Variants in KCNN2 observed in about 807,000 individuals in gnomAD.
KCNN2 encodes potassium calcium-activated channel subfamily N member 2.
KCNN2 carries 24 observed loss-of-function variants against 55.5 expected under a neutral mutation model. The observed-to-expected ratio is 0.43, with a 90% CI of 0.31 to 0.61. KCNN2 has a LOEUF of 0.61. KCNN2 is among the 20% of genes least tolerant of loss of function. The pLI, the probability that KCNN2 is intolerant of heterozygous loss-of-function variation, is 0.08. For synonymous variants in KCNN2, 431 were observed against 336.1 expected (o/e 1.28, Z -3.09); for missense variants, 754 against 853.6 (o/e 0.88, Z 1.45).
At chr5:114,326,346 C>T (rs1410916747) in intron 2 of KCNN2, among the ~76,000 whole-genome samples, 1 of 152,040 alleles carries the variant, frequency 6.6e-6, no homozygotes, top group Admixed American at 6.6e-5. Flanking sequence ...GTGGGAGGTG[C>T]GATCTGAGGG....
intron 1 of KCNN2, among the ~76,000 whole-genome samples, chr5:114,142,954 G>C (rs1752316807): frequency 6.6e-6 from 1 of 152,160 alleles, no homozygotes; most frequent in African/African-American, 2.4e-5. Flanking sequence ...CACGCTACCT[G>C]TATTGCGGGA....
Position 114,365,974 on chromosome 5 carries a change from C to T in KCNN2, c.1218+1973C>T, listed in dbSNP as rs1481778254. Among the ~76,000 whole-genome samples the T allele has an allele frequency of 2.0e-5, 3 of 152,152 alleles. No homozygotes were observed. In the East Asian group the frequency reaches 5.8e-4, roughly 29 times the overall value. Reference sequence around the variant, plus strand: ...CATCAAAAACAAAGTGTCTTGAAAACATTGACTCTTTAAGAATTATTGGGA... The same window carrying T: ...CATCAAAAACAAAGTGTCTTGAAAATATTGACTCTTTAAGAATTATTGGGA... On this transcript the variant is annotated intron_variant, in intron 2 of 7. Coordinates refer to ENST00000673685, the MANE Select transcript of KCNN2 (RefSeq NM_021614.4).
At chr5:114,131,886 TG>T (rs1752078999) in intron 1 of KCNN2, among the ~76,000 whole-genome samples, 1 of 152,260 alleles carries the variant, frequency 6.6e-6, no homozygotes. Flanking sequence ...TCAGTGAAGC[TG>T]AACTTTTTTT....
chr5:114,465,956 C>G (rs2150118119), intron 4 of KCNN2, among the ~76,000 whole-genome samples: 1 of 152,264 alleles, frequency 6.6e-6, no homozygotes, highest in Non-Finnish European at 1.5e-5. Context: ...CTGGGATTCA[C>G]TTCTGGCAGT....
At chr5:114,396,455 A>G (rs536679555) in intron 2 of KCNN2, among the ~76,000 whole-genome samples, 4 of 152,160 alleles carry the variant, frequency 2.6e-5, no homozygotes, top group South Asian at 2.1e-4. Context: ...TCAAGGGTAC[A>G]TGTGCAGGTT....
At chr5:114,113,340 C>G (rs976716335) in intron 1 of KCNN2, among the ~76,000 whole-genome samples, 20 of 151,804 alleles carry the variant, frequency 1.3e-4, no homozygotes, top group Non-Finnish European at 2.8e-4. Context: ...ATCTCGGTCT[C>G]ATTATCCAAG....
chr5:114,153,749 G>A (rs940832902), intron 1 of KCNN2, among the ~76,000 whole-genome samples: 9 of 152,182 alleles, frequency 5.9e-5, no homozygotes, highest in Admixed American at 5.2e-4. Context: ...TGGAAAAAAG[G>A]CAGCATCGCC....
At chr5:114,098,205 GA>G (rs1473734065) in intron 1 of KCNN2, among the ~76,000 whole-genome samples, 1 of 151,960 alleles carries the variant, frequency 6.6e-6, no homozygotes, top group Non-Finnish European at 1.5e-5. Context: ...GATCTACCTG[GA>G]TAATCTCTCC....
At chr5:114,208,864 C>T (rs925365214) in intron 1 of KCNN2, among the ~76,000 whole-genome samples, 4 of 152,176 alleles carry the variant, frequency 2.6e-5, no homozygotes, top group Admixed American at 2.6e-4. Flanking sequence ...CATGACCTCT[C>T]AACAACATCT....
At position 114,404,843 on chromosome 5, in the gene KCNN2, C is replaced by T; in HGVS notation, c.1624C>T (p.Arg542Ter). 1 of 1,604,860 alleles carries T rather than the reference C, an allele frequency of 6.2e-7. No homozygotes were observed. Among genetic ancestry groups the T allele is most frequent in the Non-Finnish European group, 8.5e-7 (1 of 1,173,410 alleles). Residue 542 changes from arginine to a stop codon, truncating the protein, a stop_gained, in exon 3 of 8, where the codon CGA becomes TGA. Coordinates refer to ENST00000673685, the MANE Select transcript of KCNN2 (RefSeq NM_021614.4). LOFTEE classifies it high-confidence loss of function. ...ATGGATAATTGCCGCATGGACTGTC[C>T]GAGCTTGTGAAAGGTAAGTTTGTTT... is the stretch of plus-strand genomic sequence containing the variant. ...SLWIIAAWTV[R>*]ACERYHDQQD...
At chr5:114,356,857 T>A (rs1580743326) in intron 2 of KCNN2, among the ~76,000 whole-genome samples, 1 of 152,144 alleles carries the variant, frequency 6.6e-6, no homozygotes, top group Non-Finnish European at 1.5e-5. Context: ...TAGGGCCTTT[T>A]AATTGTTATG....
At chr5:114,067,776 G>T (rs896998384) in intron 1 of KCNN2, among the ~76,000 whole-genome samples, 2 of 152,092 alleles carry the variant, frequency 1.3e-5, no homozygotes, top group South Asian at 2.1e-4. Context: ...TTTGATTTCT[G>T]TTTCATTTGC....
chr5:114,418,975 A>G (rs1759389460), intron 3 of KCNN2, among the ~76,000 whole-genome samples: 1 of 152,208 alleles, frequency 6.6e-6, no homozygotes, highest in Non-Finnish European at 1.5e-5. Context: ...ACATAACTGA[A>G]TGTGCCTGAG....
intron 2 of KCNN2, among the ~76,000 whole-genome samples, chr5:114,353,817 T>C (rs1408850323): frequency 1.3e-5 from 2 of 152,000 alleles, no homozygotes; most frequent in African/African-American, 4.8e-5. Flanking sequence ...GTTGATCTTA[T>C]TGGTGCTCTC....
chr5:114,479,241 A>AG (rs1325111036), intron 5 of KCNN2, among the ~76,000 whole-genome samples: 1 of 147,174 alleles, frequency 6.8e-6, no homozygotes, highest in African/African-American at 2.5e-5. Context: ...AAAAAAAAAG[A>AG]AAAACAAAAC....
chr5:114,227,459 C>T (rs1754260008), intron 2 of KCNN2, among the ~76,000 whole-genome samples: 1 of 152,134 alleles, frequency 6.6e-6, no homozygotes, highest in Admixed American at 6.5e-5. Flanking sequence ...TACTCTTACC[C>T]CCTTCTGGCT....
chr5:114,165,766 A>G (rs1306161291), intron 1 of KCNN2, among the ~76,000 whole-genome samples: 1 of 152,200 alleles, frequency 6.6e-6, no homozygotes, highest in Non-Finnish European at 1.5e-5. Context: ...CATGTAACAT[A>G]CAAAATATGT....
Position 114,208,705 on chromosome 5 carries a change from A to C in KCNN2, c.-270-12775A>C, listed in dbSNP as rs1473835385. On this transcript the variant is annotated intron_variant, in intron 1 of 10. Transcript: ENST00000512097. ...CAGTCCTCAGCCTAAAAAATCCACTAGGGTAAGCATCTTGTTTGTGTGTTC... is the reference window on the plus strand; with the variant it reads ...CAGTCCTCAGCCTAAAAAATCCACTCGGGTAAGCATCTTGTTTGTGTGTTC... 2.6e-5 allele frequency among the ~76,000 whole-genome samples: 4 copies of C among 152,322 alleles called. No homozygotes were observed. In the South Asian group the frequency reaches 8.3e-4, roughly 32 times the overall value.
At chr5:114,127,860 G>T (rs116757322) in intron 1 of KCNN2, among the ~76,000 whole-genome samples, 276 of 152,232 alleles carry the variant, frequency 1.8e-3, no homozygotes, top group African/African-American at 6.4e-3. Flanking sequence ...GATCTTTAGG[G>T]CAGGGGCAAA....
Sources: gnomAD v4.1 joint callset for allele counts (sites outside exome capture counted in the v4.1 genomes callset) on GRCh38, gnomAD v4.1.1 for gene constraint, MANE v1.5 for transcripts, NCBI Gene and HGNC (gene_info 2026-07-23, HGNC 2026-07-21) for gene names.